The following WIPI1 variants were observed in gnomAD, a reference collection of about 807,000 sequenced individuals.
WIPI1 encodes WD repeat domain phosphoinositide-interacting protein 1.
In WIPI1, 45 loss-of-function variants were observed where a neutral mutation model predicts 55.3. The ratio of observed to expected loss-of-function variants is 0.81; its 90% confidence interval spans 0.64 to 1.04. WIPI1 has a LOEUF of 1.04. WIPI1 is among the 50% of genes least tolerant of loss of function. The pLI is 0.00. For missense variants in WIPI1, 445 were observed against 559.0 expected (o/e 0.80, Z 2.06); for synonymous variants, 195 against 217.6 (o/e 0.90, Z 0.92).
chr17:68,450,808 C>T lies in WIPI1; in HGVS notation c.253G>A (p.Val85Met), dbSNP rs1010309770. Residue 85 changes from valine to methionine, a missense_variant, in exon 3 of 13, where the codon GTG (valine) becomes ATG (methionine). Coordinates refer to ENST00000262139, the MANE Select transcript of WIPI1 (RefSeq NM_017983.7). ...TCTGTGCCTTTCTTGAAGTGATACA[C>T]GTTCATCTGCCGTGGTTTTGTGTGA... ...VSHTKPRQMNVYHFKKGTEIC... is the reference protein window; with the variant it reads ...VSHTKPRQMNMYHFKKGTEIC... 74 of 1,614,158 alleles carry T rather than the reference C, an allele frequency of 4.6e-5. No individual in the cohort carries two copies. The highest frequency in any genetic ancestry group is 5.6e-5 in the Non-Finnish European group (66 of 1,180,014).
At chr17:68,444,915 C>CTT (rs10607287) in intron 3 of WIPI1, among the ~76,000 whole-genome samples, 202 of 89,066 alleles carry the variant, frequency 2.3e-3, no homozygotes, top group East Asian at 4.7e-3. Context: ...ATCCTGAACA[C>CTT]TTTTTTTTTT....
chr17:68,433,906 C>T (rs62085919), intron 7 of WIPI1, among the ~76,000 whole-genome samples: 50,757 of 150,854 alleles, frequency 0.34, 8,784 homozygotes, highest in Admixed American at 0.47. Flanking sequence ...CCTCAGCCTC[C>T]CAAGTAGCTG....
chr17:68,439,068 CGTT>C (rs1423741358), intron 4 of WIPI1, among the ~76,000 whole-genome samples: 6 of 152,156 alleles, frequency 3.9e-5, no homozygotes, highest in Non-Finnish European at 5.9e-5. Flanking sequence ...TGCTCTGGAA[CGTT>C]TAGCAGTTCT....
Position 68,421,816 on chromosome 17 carries a change from A to T in WIPI1, c.1298T>A (p.Ile433Asn). Residue 433 changes from isoleucine (I) to asparagine (N), a missense_variant, in exon 13 of 13, where the codon ATC becomes AAC. Physicochemically the swap from Ile to Asn is moderately radical, Grantham distance 149. Coordinates refer to ENST00000262139, the MANE Select transcript of WIPI1 (RefSeq NM_017983.7). ...GCCCTTCTGATTTCCACGGCACAAG[A>T]TTATCTACCAAAATCAAAACAGAAT... Reference protein sequence around the residue: ...LDDENEFPPIILCRGNQKGKT... With the variant: ...LDDENEFPPINLCRGNQKGKT... 1 of 1,614,138 alleles carries T rather than the reference A, an allele frequency of 6.2e-7. No homozygotes were observed. The highest frequency in any genetic ancestry group is 8.5e-7 in the Non-Finnish European group (1 of 1,180,008).
Position 68,434,541 on chromosome 17 carries a change from A to G in WIPI1, c.692+15T>C, listed in dbSNP as rs187052084. On this transcript the variant is annotated intron_variant, in intron 7 of 12. Transcript: ENST00000262139. ...CTGCGGGGACTTTAAAATGGGTTTGACATTGAACACAGACCTTTTCATCCC... is the reference window on the plus strand; with the variant it reads ...CTGCGGGGACTTTAAAATGGGTTTGGCATTGAACACAGACCTTTTCATCCC... 2.8e-5 allele frequency: 45 copies of G among 1,613,606 alleles called. No homozygotes were observed. Among genetic ancestry groups the G allele is most frequent in the Non-Finnish European group, 3.6e-5 (43 of 1,179,676 alleles).
chr17:68,437,947 T>TAAAAAAAAAAAAAAAAAAC (rs1568638070), intron 4 of WIPI1, among the ~76,000 whole-genome samples: 1 of 58,786 alleles, frequency 1.7e-5, no homozygotes. Context: ...GACATCTCTC[T>TAAAAAAAAAAAAAAAAAAC]TAAAAAAAAA....
intron 12 of WIPI1, among the ~76,000 whole-genome samples, chr17:68,422,979 C>T (rs118103666): frequency 1.3e-3 from 201 of 152,230 alleles, no homozygotes; most frequent in Non-Finnish European, 2.1e-3. Context: ...CAAGCGTGAT[C>T]CTACGCAGGG....
At chr17:68,425,381 T>C (rs945587744) in intron 12 of WIPI1, among the ~76,000 whole-genome samples, 1 of 96,824 alleles carries the variant, frequency 1.0e-5, no homozygotes, top group African/African-American at 5.3e-5. Context: ...TTTTTTCTTT[T>C]CTTTTTTTTT....
chr17:68,434,202 C>T (rs556382030), intron 7 of WIPI1, among the ~76,000 whole-genome samples: 6 of 152,290 alleles, frequency 3.9e-5, no homozygotes, highest in Middle Eastern at 3.4e-3. Context: ...AACCTACATC[C>T]GATAAGATCC....
intron 12 of WIPI1, chr17:68,425,800 G>T: frequency 2.8e-6 from 1 of 360,168 alleles, no homozygotes; most frequent in Middle Eastern, 8.0e-4. Flanking sequence ...GTAAGGGATC[G>T]CAGGCCTCTG....
At chr17:68,449,262 G>A (rs2084403132) in intron 3 of WIPI1, among the ~76,000 whole-genome samples, 1 of 152,164 alleles carries the variant, frequency 6.6e-6, no homozygotes, top group Admixed American at 6.5e-5. Context: ...AGATATTTAT[G>A]AGCACGTATC....
intron 10 of WIPI1, among the ~76,000 whole-genome samples, chr17:68,428,002 C>A (rs373598905): frequency 2.8e-4 from 43 of 152,156 alleles, no homozygotes; most frequent in African/African-American, 9.2e-4. Context: ...GTGATCCCCC[C>A]ACCTCTGCCT....
intron 4 of WIPI1, among the ~76,000 whole-genome samples, chr17:68,441,732 C>T (rs1032157139): frequency 1.1e-4 from 16 of 152,178 alleles, no homozygotes; most frequent in African/African-American, 3.1e-4. Flanking sequence ...CCTCAGGTAA[C>T]GCTCTCCGTG....
chr17:68,434,137 TG>T (rs942837680), intron 7 of WIPI1, among the ~76,000 whole-genome samples: 2 of 152,180 alleles, frequency 1.3e-5, no homozygotes, highest in African/African-American at 4.8e-5. Context: ...GGAGGAACTG[TG>T]CCTTCCTGGC....
chr17:68,426,251 G>GGGGGGGGGGGGGGGGTGT, intron 11 of WIPI1, 76 bp from the exon 12 acceptor site: 1 of 825,460 alleles, frequency 1.2e-6, no homozygotes, highest in Non-Finnish European at 1.9e-6. Flanking sequence ...GTGGGGAGCG[G>GGGGGGGGGGGGGGGGTGT]GGGCTCAAAT....
chr17:68,436,425 C>A lies in WIPI1; in HGVS notation c.485G>T (p.Ser162Ile). 2.5e-6 allele frequency: 4 copies of A among 1,614,082 alleles called. No individual in the cohort carries two copies. The highest frequency in any genetic ancestry group is 3.4e-6 in the Non-Finnish European group (4 of 1,179,954). Residue 162 changes from serine (S) to isoleucine (I), a missense_variant, in exon 5 of 13, where the codon AGC becomes ATC. Ser to Ile is a moderately radical substitution (Grantham distance 142). Coordinates refer to ENST00000262139, the MANE Select transcript of WIPI1 (RefSeq NM_017983.7). ...AAGCACAATCTCCCCTGAAGTCAGGCTTCCAGGATAGGCCAGGTAAGAATT... is the reference window on the plus strand; with the variant it reads ...AAGCACAATCTCCCCTGAAGTCAGGATTCCAGGATAGGCCAGGTAAGAATT... ...HSNSYLAYPG[S>I]LTSGEIVLYD...
intron 4 of WIPI1, among the ~76,000 whole-genome samples, chr17:68,438,465 G>A (rs1240683214): frequency 6.6e-6 from 1 of 152,258 alleles, no homozygotes; most frequent in Non-Finnish European, 1.5e-5. Context: ...GTTGTCTTGT[G>A]TGCTGGGTTC....
chr17:68,427,307 A>T, intron 10 of WIPI1, 54 bp from the exon 11 acceptor site: 1 of 1,340,864 alleles, frequency 7.5e-7, no homozygotes. Flanking sequence ...TCATATATCT[A>T]GGACACCTTC....
intron 10 of WIPI1, 22 bp from the exon 11 acceptor site, chr17:68,427,275 AGGTG>A: frequency 1.9e-6 from 3 of 1,584,166 alleles, no homozygotes; most frequent in Admixed American, 3.4e-5. Context: ...AATCAAGAGG[AGGTG>A]AAAGAAAAAA....
Sources: allele counts gnomAD v4.1 joint callset (sites outside exome capture counted in the v4.1 genomes callset), GRCh38; gene constraint gnomAD v4.1.1; transcripts MANE v1.5; gene names NCBI Gene and HGNC (gene_info 2026-07-23, HGNC 2026-07-21).